DHX35: variants seen among roughly 807,000 people sequenced by gnomAD.
DHX35 encodes the protein probable ATP-dependent RNA helicase DHX35.
A neutral mutation model predicts 99.6 loss-of-function variants in DHX35; 84 were observed. That is an observed-to-expected ratio of 0.84 (90% CI 0.71 to 1.01). The LOEUF (loss-of-function observed/expected upper bound fraction) is 1.01. Among genes scored for constraint, DHX35 ranks in the 50% least tolerant of loss-of-function variants. The pLI is 0.00. For missense variants in DHX35, 852 were observed against 888.5 expected (o/e 0.96, Z 0.52); for synonymous variants, 331 against 316.2 (o/e 1.05, Z -0.50).
intron 3 of DHX35, among the ~76,000 whole-genome samples, chr20:38,978,660 T>C (rs1380795794): frequency 6.6e-6 from 1 of 152,256 alleles, no homozygotes; most frequent in Non-Finnish European, 1.5e-5. Context: ...CTCTGTTGAT[T>C]GTTTTCATTG....
At chr20:38,991,179 C>T (rs1233073701) in intron 5 of DHX35, among the ~76,000 whole-genome samples, 1 of 152,160 alleles carries the variant, frequency 6.6e-6, no homozygotes, top group Non-Finnish European at 1.5e-5. Context: ...GTGGTGCAAG[C>T]CCAGAGGAAA....
chr20:38,984,318 AT>A (rs1445307646), intron 4 of DHX35, among the ~76,000 whole-genome samples: 2 of 152,244 alleles, frequency 1.3e-5, no homozygotes, highest in Non-Finnish European at 2.9e-5. Flanking sequence ...AAAACAATAT[AT>A]TTTTAAAACC....
chr20:39,023,832 G>A lies in DHX35; in HGVS notation c.1671+65G>A. ...CACCCTCTGGAGGTGATCTAGGAGG[G>A]AGGATCCCAGAAGTTCAGTTCGTAA... On this transcript the variant is annotated intron_variant, in intron 17 of 21. Coordinates refer to ENST00000252011, the MANE Select transcript of DHX35 (RefSeq NM_021931.4). 3.6e-6 allele frequency: 5 copies of A among 1,372,488 alleles called. No individual in the cohort carries two copies. In the South Asian group the frequency reaches 6.0e-5, roughly 16 times the overall value. 85.0% of individuals were successfully genotyped at this position (1,372,488 alleles called of 1,614,324 possible). A position where few individuals can be genotyped will look rare whatever the true frequency, so the allele number is the denominator to read the frequency against.
intron 3 of DHX35, among the ~76,000 whole-genome samples, chr20:38,976,060 A>G (rs1230402793): frequency 6.6e-6 from 1 of 152,216 alleles, no homozygotes; most frequent in Non-Finnish European, 1.5e-5. Context: ...GTCCAGGGAA[A>G]GCTGGTGGGA....
chr20:38,979,601 G>A (rs1283414993), intron 3 of DHX35, among the ~76,000 whole-genome samples: 3 of 152,156 alleles, frequency 2.0e-5, no homozygotes, highest in East Asian at 1.9e-4. Context: ...TCAGTTCCCC[G>A]TACCTGAGAC....
At chr20:38,993,565 A>T (rs1049876868) in intron 7 of DHX35, among the ~76,000 whole-genome samples, 1 of 152,008 alleles carries the variant, frequency 6.6e-6, no homozygotes, top group Non-Finnish European at 1.5e-5. Flanking sequence ...TGGTTCCTCC[A>T]TGTTAGTCAG....
chr20:39,022,034 A>G, intron 16 of DHX35, 99 bp downstream of exon 16: 1 of 1,184,966 alleles, frequency 8.4e-7, no homozygotes. Flanking sequence ...ACAGAGCTGT[A>G]CAAATGTGAT....
rs3752297 is a variant in DHX35 at position 39,003,608 on chromosome 20, A to G, written c.853-141A>G. On this transcript the variant is annotated intron_variant, in intron 10 of 21. Transcript: ENST00000252011. ...AGCATTTAATTAAATACCATCCCAG[A>G]GTGGAACATGACGGCACTGAAATTC... The G allele has an allele frequency of 4.2e-4, 382 of 914,718 alleles. 6 individuals carry two copies. In the East Asian group the frequency reaches 9.5e-3, roughly 23 times the overall value. 56.7% of individuals were successfully genotyped at this position (914,718 alleles called of 1,614,324 possible).
intron 19 of DHX35, chr20:39,030,476 G>A (rs971416342): frequency 5.6e-5 from 30 of 534,734 alleles, no homozygotes; most frequent in African/African-American, 4.4e-4. Context: ...CTAAGTGTCC[G>A]CGTGTTGCTT....
At chr20:39,037,251 C>A (rs1180853446) in intron 21 of DHX35, among the ~76,000 whole-genome samples, 1 of 152,196 alleles carries the variant, frequency 6.6e-6, no homozygotes, top group Admixed American at 6.5e-5. Context: ...TTCAGCAAGA[C>A]CTACAGCTAG....
At position 39,032,239 on chromosome 20, in the gene DHX35, TTGGC is replaced by T. The variant is rs1422778387; in HGVS notation, c.1955+1466_1955+1469del. On this transcript the variant is annotated intron_variant, in intron 20 of 21. Coordinates refer to ENST00000252011, the MANE Select transcript of DHX35 (RefSeq NM_021931.4). The stretch of plus-strand genomic sequence containing the variant: ...CAATCTGTTGCCCAGTGGTGTGATC[TTGGC>T]TCACTTCAATCTCCACCTTCGGGGT... Among the ~76,000 whole-genome samples, 8 of 152,362 alleles carry T rather than the reference TTGGC, an allele frequency of 5.3e-5. No homozygotes were observed. In the South Asian group the frequency reaches 1.7e-3, roughly 32 times the overall value.
intron 12 of DHX35, among the ~76,000 whole-genome samples, chr20:39,007,317 A>G (rs998165736): frequency 2.0e-5 from 3 of 152,198 alleles, no homozygotes; most frequent in African/African-American, 7.2e-5. Flanking sequence ...GCTAGTAACC[A>G]TGGTCTGTGG....
intron 3 of DHX35, among the ~76,000 whole-genome samples, chr20:38,976,304 A>G (rs1356276361): frequency 6.6e-6 from 1 of 151,502 alleles, no homozygotes; most frequent in African/African-American, 2.4e-5. Context: ...GTTTCTTGGT[A>G]GAAATTTTTT....
chr20:39,038,238 A>G lies in DHX35; in HGVS notation c.2068-261A>G, dbSNP rs572845843. On this transcript the variant is annotated intron_variant, in intron 21 of 21. Transcript: ENST00000252011. The stretch of plus-strand genomic sequence containing the variant: ...GTCTCAAAAAGAAAACCTTTCCTTG[A>G]CAGCTTCCGCAGAGCCCTGTATAAC... Among the ~76,000 whole-genome samples the G allele has an allele frequency of 8.2e-4, 125 of 152,288 alleles. 1 individual carries two copies. The highest frequency in any genetic ancestry group is 2.9e-3 in the African/African-American group (121 of 41,556).
At chr20:38,965,022 G>A (rs1480601852) in intron 1 of DHX35, among the ~76,000 whole-genome samples, 1 of 152,174 alleles carries the variant, frequency 6.6e-6, no homozygotes, top group Non-Finnish European at 1.5e-5. Context: ...CACTTGGGAA[G>A]CTCTGAAAAG....
chr20:39,004,101 T>C (rs961515240), intron 11 of DHX35, among the ~76,000 whole-genome samples, 194 bp downstream of exon 11: 3 of 152,146 alleles, frequency 2.0e-5, no homozygotes, highest in Non-Finnish European at 2.9e-5. Flanking sequence ...CTCGCTCTGT[T>C]GCCCAGGCTG....
rs754879659 is a variant in DHX35 at position 38,969,138 on chromosome 20, C to G, written c.98C>G (p.Ser33Cys). 4.3e-6 allele frequency: 7 copies of G among 1,613,982 alleles called. No individual in the cohort carries two copies. Among genetic ancestry groups the G allele is most frequent in the Admixed American group, 1.7e-5 (1 of 60,022 alleles). Residue 33 changes from serine (S) to cysteine (C), a missense_variant, in exon 2 of 22, where the codon TCT (serine) becomes TGT (cysteine). Ser to Cys is a moderately radical substitution (Grantham distance 112, BLOSUM62 -1). Coordinates refer to ENST00000252011, the MANE Select transcript of DHX35 (RefSeq NM_021931.4). ...SEERQSLAEN[S>C]GTTVVYNPYA... is the part of the protein sequence containing the mutation. ...GAGAGACAAAGTCTGGCTGAAAACT[C>G]TGGGACAACGGTTGTTTACAACCCT... is the stretch of plus-strand genomic sequence containing the variant.
rs1165674425 is a variant in DHX35, at chr20:39,002,844, C to T, written c.828C>T (p.Asp276=). Residue 276 remains aspartate (D), a synonymous_variant, in exon 10 of 22, where the codon GAC becomes GAT. Transcript: ENST00000252011. ...TTCACCAGACAGAGGGAGACGGAGA[C>T]GTTTTAGCATTTCTTACTGGCCAGG... The part of the protein sequence containing the change: ...VKIHQTEGDG[D]VLAFLTGQEE... 16 of 1,614,032 alleles carry T rather than the reference C, an allele frequency of 9.9e-6. No homozygotes were observed. The highest frequency in any genetic ancestry group is 4.0e-5 in the African/African-American group (3 of 74,928).
chr20:39,018,690 C>A, intron 14 of DHX35, 114 bp from the exon 15 acceptor site: 1 of 1,042,656 alleles, frequency 9.6e-7, no homozygotes, highest in Non-Finnish European at 1.4e-6. Context: ...CATGAATCAT[C>A]TTTTGGATAC....
Sources: allele counts gnomAD v4.1 joint callset (sites outside exome capture counted in the v4.1 genomes callset), GRCh38; gene constraint gnomAD v4.1.1; transcripts MANE v1.5; gene names NCBI Gene and HGNC (gene_info 2026-07-23, HGNC 2026-07-21).